The following CNTN3 variants were observed in gnomAD, a reference collection of about 807,000 sequenced individuals.
The protein encoded by CNTN3 is contactin 3, also known as contactin-3.
CNTN3 carries 60 observed loss-of-function variants against 119.1 expected under a neutral mutation model. The ratio of observed to expected loss-of-function variants is 0.50; its 90% CI spans 0.41 to 0.62. The LOEUF (loss-of-function observed/expected upper bound fraction) is 0.62. Ranked by LOEUF, CNTN3 falls within the 20% of genes least tolerant of loss-of-function variation. The pLI is 0.00. For missense variants in CNTN3, 1,101 were observed against 1,242.4 expected (o/e 0.89, Z 1.71); for synonymous variants, 450 against 438.7 (o/e 1.03, Z -0.32).
At chr3:74,401,729 AG>A (rs772788159) in intron 5 of CNTN3, among the ~76,000 whole-genome samples, 11 of 152,174 alleles carry the variant, frequency 7.2e-5, no homozygotes, top group Non-Finnish European at 1.6e-4. Flanking sequence ...AGAAAGCTAA[AG>A]GGAGCTATGG....
chr3:74,531,566 T>C (rs542630606), intron 1 of CNTN3, among the ~76,000 whole-genome samples: 39 of 151,892 alleles, frequency 2.6e-4, no homozygotes, highest in African/African-American at 8.7e-4. Flanking sequence ...CTAGACCAGA[T>C]AGGTGATTCA....
rs559261844 is a variant in CNTN3 at position 74,396,440 on chromosome 3, G to C, written c.455-25041C>G. 1.2e-4 allele frequency among the ~76,000 whole-genome samples: 19 copies of C among 152,254 alleles called. No individual in the cohort carries two copies. In the South Asian group the frequency reaches 3.7e-3, roughly 30 times the overall value. ...AGTGACAACATTCCCTTAAGCCAAA[G>C]CCTAATCCAGAACAAGGCCCTAACT... On this transcript the variant is annotated intron_variant, in intron 5 of 22. Coordinates refer to ENST00000263665, the MANE Select transcript of CNTN3 (RefSeq NM_020872.3).
chr3:74,519,374 C>G (rs1226356822), intron 2 of CNTN3, among the ~76,000 whole-genome samples: 1 of 151,534 alleles, frequency 6.6e-6, no homozygotes, highest in Non-Finnish European at 1.5e-5. Flanking sequence ...TATATTTGTT[C>G]GTAAATATGT....
In CNTN3 at chr3:74,263,583, G is replaced by C. The variant is rs1575684099; in HGVS notation, c.*818C>G. 3 of 151,564 alleles carry C rather than the reference G, an allele frequency of 2.0e-5. No homozygotes were observed. The highest frequency in any genetic ancestry group is 7.3e-5 in the African/African-American group (3 of 41,236). 9.4% of individuals were successfully genotyped at this position (151,564 alleles called of 1,614,324 possible). On this transcript the variant is annotated 3_prime_UTR_variant, in exon 23 of 23. Coordinates refer to ENST00000263665, the MANE Select transcript of CNTN3 (RefSeq NM_020872.3). ...ATCATTTGAATTTTGGAATATAACTGAATGAAACAGAATGAAGCTTGAAAA... is the reference window on the plus strand; with the variant it reads ...ATCATTTGAATTTTGGAATATAACTCAATGAAACAGAATGAAGCTTGAAAA...
rs963561731 is a variant in CNTN3, at chr3:74,446,761, A to G, written c.359-21821T>C. On this transcript the variant is annotated intron_variant, in intron 4 of 22. Coordinates refer to ENST00000263665, the MANE Select transcript of CNTN3 (RefSeq NM_020872.3). ...ATATGTGGCCCCACATTATATTTCT[A>G]TTGGACAGTGCTACCCTAGAGTATT... is the stretch of plus-strand genomic sequence containing the variant. Among the ~76,000 whole-genome samples the G allele has an allele frequency of 1.3e-4, 18 of 142,218 alleles. No homozygotes were observed. The Middle Eastern group carries it at 0.043, about 337-fold the overall frequency. The allele number at this position is 142,218 out of a possible 152,430, so 93.3% of individuals were successfully genotyped here.
At chr3:74,329,614 A>G (rs1226748788) in intron 13 of CNTN3, among the ~76,000 whole-genome samples, 4 of 152,336 alleles carry the variant, frequency 2.6e-5, no homozygotes, top group South Asian at 2.1e-4. Flanking sequence ...TTGTAAAATC[A>G]TACTTAAATT....
chr3:74,411,947 T>C (rs573991196), intron 5 of CNTN3, among the ~76,000 whole-genome samples: 7 of 152,264 alleles, frequency 4.6e-5, no homozygotes, highest in Middle Eastern at 6.8e-3. Flanking sequence ...TATAATAATG[T>C]CACTGAAAAC....
chr3:74,411,007 G>A (rs1218915331), intron 5 of CNTN3, among the ~76,000 whole-genome samples: 2 of 151,718 alleles, frequency 1.3e-5, no homozygotes, highest in Non-Finnish European at 2.9e-5. Context: ...AAAATAAGAG[G>A]AGAGACTCCC....
rs9842043 is a variant in CNTN3, at chr3:74,479,351, G to A, written c.358+7105C>T. ...GTTTTTTGCCATAATAGAAAACTAG[G>A]GGCAAAGAGAATACCTAGAAGCCTC... On this transcript the variant is annotated intron_variant, in intron 4 of 22. Coordinates refer to ENST00000263665, the MANE Select transcript of CNTN3 (RefSeq NM_020872.3). Among the ~76,000 whole-genome samples the A allele has an allele frequency of 5.8e-3, 877 of 152,074 alleles. 11 individuals carry two copies. The highest frequency in any genetic ancestry group is 0.02 in the African/African-American group (836 of 41,486).
At chr3:74,341,044 C>A (rs1190169026) in intron 11 of CNTN3, among the ~76,000 whole-genome samples, 1 of 152,088 alleles carries the variant, frequency 6.6e-6, no homozygotes, top group Non-Finnish European at 1.5e-5. Context: ...TGAAATGAGA[C>A]AAAACCTAAC....
At chr3:74,597,201 T>C (rs1704827621) in intron 1 of CNTN3, among the ~76,000 whole-genome samples, 1 of 152,114 alleles carries the variant, frequency 6.6e-6, no homozygotes, top group Admixed American at 6.6e-5. Flanking sequence ...ATACTCACTT[T>C]AGTTCTAAAA....
At chr3:74,404,796 A>AAAAAT (rs1447165296) in intron 5 of CNTN3, among the ~76,000 whole-genome samples, 4 of 152,004 alleles carry the variant, frequency 2.6e-5, no homozygotes, top group Non-Finnish European at 5.9e-5. Context: ...AGTTATAAAA[A>AAAAAT]AAAATAGTCT....
At chr3:74,439,321 A>C (rs1701922302) in intron 4 of CNTN3, among the ~76,000 whole-genome samples, 1 of 152,130 alleles carries the variant, frequency 6.6e-6, no homozygotes, top group African/African-American at 2.4e-5. Flanking sequence ...ACCCTGGCCA[A>C]CATGGCAAAA....
At chr3:74,534,356 T>C (rs180720218) in intron 1 of CNTN3, among the ~76,000 whole-genome samples, 9 of 152,092 alleles carry the variant, frequency 5.9e-5, no homozygotes, top group Admixed American at 5.2e-4. Flanking sequence ...ACTTTATTAT[T>C]TTTTTTCATT....
intron 2 of CNTN3, among the ~76,000 whole-genome samples, chr3:74,507,248 A>G (rs1158632486): frequency 1.3e-5 from 2 of 152,032 alleles, no homozygotes; most frequent in Non-Finnish European, 2.9e-5. Context: ...GCAAGACTCC[A>G]TCTCTATAAA....
In CNTN3 at chr3:74,327,942, T is replaced by C. The variant is rs959778500; in HGVS notation, c.1668+6793A>G. The stretch of plus-strand genomic sequence containing the variant: ...TTTTCTAATGTCTAATTTTAGTTTT[T>C]CTTTTCTCTTTATTCTTCATTGGTA... On this transcript the variant is annotated intron_variant, in intron 13 of 22. Transcript: ENST00000263665. Among the ~76,000 whole-genome samples the C allele has an allele frequency of 6.6e-5, 10 of 152,006 alleles. No homozygotes were observed. In the East Asian group the frequency reaches 7.7e-4, roughly 12 times the overall value.
chr3:74,382,176 C>A (rs1383967116), intron 5 of CNTN3, among the ~76,000 whole-genome samples: 1 of 151,922 alleles, frequency 6.6e-6, no homozygotes, highest in African/African-American at 2.4e-5. Flanking sequence ...CCTTTGAACT[C>A]CAGCCTGGAC....
chr3:74,592,220 G>A (rs1426700750), intron 1 of CNTN3, among the ~76,000 whole-genome samples: 1 of 151,814 alleles, frequency 6.6e-6, no homozygotes, highest in Non-Finnish European at 1.5e-5. Context: ...CCACTTCTGT[G>A]GTGGCCAGAT....
chr3:74,564,882 A>G (rs1288760198), intron 1 of CNTN3, among the ~76,000 whole-genome samples: 1 of 152,046 alleles, frequency 6.6e-6, no homozygotes. Flanking sequence ...TCGTGGAACA[A>G]TGAAATGTGA....
Sources: allele counts gnomAD v4.1 joint callset (sites outside exome capture counted in the v4.1 genomes callset), GRCh38; gene constraint gnomAD v4.1.1; transcripts MANE v1.5; gene names NCBI Gene and HGNC (gene_info 2026-07-23, HGNC 2026-07-21).